PPP2R2D: variants seen among roughly 807,000 people sequenced by gnomAD.
PPP2R2D encodes the protein serine/threonine-protein phosphatase 2A 55 kDa regulatory subunit B delta isoform.
PPP2R2D carries 9 observed loss-of-function variants against 31.1 expected under a neutral mutation model. That is an observed-to-expected ratio of 0.29 (90% CI 0.17 to 0.51). The LOEUF (loss-of-function observed/expected upper bound fraction) is 0.51, where lower values mean the gene tolerates loss of function less well. PPP2R2D is among the 20% of genes least tolerant of loss of function. PPP2R2D has a pLI of 0.98. For synonymous variants in PPP2R2D, 179 were observed against 172.6 expected, an observed-to-expected ratio of 1.04 and a Z score of -0.29; for missense variants, 391 against 465.6, an observed-to-expected ratio of 0.84 and a Z score of 1.48.
At chr10:131,903,567 T>C (rs918826844) in intron 2 of PPP2R2D, among the ~76,000 whole-genome samples, 1 of 152,162 alleles carries the variant, frequency 6.6e-6, no homozygotes, top group African/African-American at 2.4e-5. Flanking sequence ...TTAAGTTAAA[T>C]TTTGAGTAAA....
chr10:131,915,573 G>A (rs545564907), intron 2 of PPP2R2D, among the ~76,000 whole-genome samples: 5 of 152,288 alleles, frequency 3.3e-5, no homozygotes, highest in Non-Finnish European at 5.9e-5. Context: ...CTCACTGGAG[G>A]CACTGTCTGT....
At position 131,947,698 on chromosome 10, in the gene PPP2R2D, A is replaced by T. The variant is rs782471400; in HGVS notation, c.989A>T (p.Gln330Leu). 8.1e-6 allele frequency: 13 copies of T among 1,614,208 alleles called. No individual in the cohort carries two copies. In the East Asian group the frequency reaches 2.9e-4, roughly 36 times the overall value. The change falls in exon 8 of 9, where the codon CAG becomes CTG. Residue 330 changes from glutamine to leucine, a missense_variant. Gln to Leu is a moderately radical substitution (Grantham distance 113). This residue lies in a region of PPP2R2D where 163 missense variants were observed against 179.5 expected (regional missense o/e 0.91). Coordinates refer to ENST00000455566, the MANE Select transcript of PPP2R2D (RefSeq NM_018461.5). This position sits in a 1 kb window ranked among gnomAD's most constrained non-coding sequence, Gnocchi z 4.3. ...NMESRPVETH[Q>L]VHEYLRSKLC... ...GAGAGCAGGCCGGTGGAGACCCACC[A>T]GGTCCACGAGTACCTGCGCAGCAAG... is the stretch of plus-strand genomic sequence containing the variant.
At chr10:131,907,855 T>C (rs1055993221) in intron 2 of PPP2R2D, among the ~76,000 whole-genome samples, 2 of 152,162 alleles carry the variant, frequency 1.3e-5, no homozygotes, top group Non-Finnish European at 2.9e-5. Flanking sequence ...TTACAAGATA[T>C]GTGGTGGTAT....
At chr10:131,932,997 C>T (rs545230058) in intron 2 of PPP2R2D, among the ~76,000 whole-genome samples, 2 of 152,276 alleles carry the variant, frequency 1.3e-5, no homozygotes, top group South Asian at 2.1e-4. Flanking sequence ...ATTTTATACA[C>T]CCTCTGGGTA....
chr10:131,914,779 A>T (rs782367053), intron 2 of PPP2R2D, among the ~76,000 whole-genome samples: 1 of 152,172 alleles, frequency 6.6e-6, no homozygotes, highest in Admixed American at 6.5e-5. Flanking sequence ...CAGGGGTGAC[A>T]TCGGGGGTGC....
At chr10:131,937,943 C>A (rs2036372736) in intron 3 of PPP2R2D, among the ~76,000 whole-genome samples, 1 of 152,170 alleles carries the variant, frequency 6.6e-6, no homozygotes, top group South Asian at 2.1e-4. Flanking sequence ...CAGCTCCTGC[C>A]CGTGGAGGCT....
intron 2 of PPP2R2D, among the ~76,000 whole-genome samples, chr10:131,922,057 C>G (rs1180981598): frequency 2.6e-5 from 4 of 152,132 alleles, no homozygotes; most frequent in African/African-American, 9.7e-5. Context: ...AAAGAGTGGC[C>G]CTACCTCTCA....
chr10:131,915,600 C>G (rs148024810), intron 2 of PPP2R2D, among the ~76,000 whole-genome samples: 2 of 152,184 alleles, frequency 1.3e-5, no homozygotes, highest in Admixed American at 1.3e-4. Context: ...GGTTCATAGC[C>G]TGTCCCTGCT....
chr10:131,919,928 GTGTT>G (rs546575653), intron 2 of PPP2R2D, among the ~76,000 whole-genome samples: 98 of 150,172 alleles, frequency 6.5e-4, no homozygotes, highest in African/African-American at 1.8e-3. Flanking sequence ...GAATGACACA[GTGTT>G]TGTAGGGACC....
At chr10:131,968,653 G>A in the PPP2R2D span, 1 of 1,249,894 alleles carries the variant, frequency 8.0e-7, no homozygotes, top group Non-Finnish European at 1.2e-6. Context: ...AGCTCACTGT[G>A]GTTAGAGCTT....
intron 7 of PPP2R2D, among the ~76,000 whole-genome samples, chr10:131,946,307 C>T (rs1554897977): frequency 6.6e-6 from 1 of 152,208 alleles, no homozygotes; most frequent in African/African-American, 2.4e-5. Context: ...CTGTAGTCAG[C>T]GTGTCCCAGT....
At chr10:131,906,621 T>A (rs1218479297) in intron 2 of PPP2R2D, among the ~76,000 whole-genome samples, 2 of 152,062 alleles carry the variant, frequency 1.3e-5, no homozygotes. Context: ...AGTTACTGTT[T>A]CATTGAATGT....
intron 2 of PPP2R2D, among the ~76,000 whole-genome samples, chr10:131,926,304 C>T (rs1030967824): frequency 4.3e-4 from 65 of 152,092 alleles, no homozygotes; most frequent in African/African-American, 1.5e-3. Flanking sequence ...GACTTTTTGC[C>T]TTTGGGTGAG....
intron 8 of PPP2R2D, among the ~76,000 whole-genome samples, chr10:131,949,414 C>T (rs772016261): frequency 3.8e-4 from 58 of 152,188 alleles, no homozygotes; most frequent in Non-Finnish European, 6.6e-4. Flanking sequence ...CGTGAGAACA[C>T]GCATGCTGGG....
intron 3 of PPP2R2D, among the ~76,000 whole-genome samples, 172 bp downstream of exon 3, chr10:131,934,727 T>G (rs1554896208): frequency 6.6e-6 from 1 of 152,206 alleles, no homozygotes. Flanking sequence ...TGGCCTCAGC[T>G]GCTGAGCCCC....
At chr10:131,961,261 G>T (rs1433213480), downstream of PPP2R2D, among the ~76,000 whole-genome samples, 1 of 152,220 alleles carries the variant, frequency 6.6e-6, no homozygotes, top group Non-Finnish European at 1.5e-5. Context: ...CCAAAGCCAA[G>T]TTCAGCAGTC....
At chr10:131,906,758 CAA>C (rs879099384) in intron 2 of PPP2R2D, among the ~76,000 whole-genome samples, 19 of 101,702 alleles carry the variant, frequency 1.9e-4, no homozygotes, top group Non-Finnish European at 2.1e-4. Context: ...TTGTCTCTAC[CAA>C]AAAAAAAAAA....
chr10:131,905,421 A>T (rs1444735583), intron 2 of PPP2R2D, among the ~76,000 whole-genome samples: 1 of 152,130 alleles, frequency 6.6e-6, no homozygotes, highest in Admixed American at 6.5e-5. Context: ...AACGTACTTC[A>T]TTCAGCATGT....
chr10:131,957,278 G>T lies in PPP2R2D; in HGVS notation c.*1315G>T, dbSNP rs10870292. The T allele has an allele frequency of 4.0e-5, 6 of 150,804 alleles. No homozygotes were observed. Among genetic ancestry groups the T allele is most frequent in the Non-Finnish European group, 7.2e-5 (5 of 69,550 alleles). The allele number at this position is 150,804 out of a possible 1,614,324, so 9.3% of individuals were successfully genotyped here. On this transcript the variant is annotated 3_prime_UTR_variant, in exon 9 of 9. Coordinates refer to ENST00000455566, the MANE Select transcript of PPP2R2D (RefSeq NM_018461.5). ...GTGGAGATGGAGGTGTGTGCTGATC[G>T]CCCGTCACCCTGTCTAGATGAAGGT... is the stretch of plus-strand genomic sequence containing the variant.
Sources: gnomAD v4.1 joint callset for allele counts (sites outside exome capture counted in the v4.1 genomes callset) on GRCh38, gnomAD v4.1.1 for gene constraint, gnomAD v4.1.1 regional missense constraint, Gnocchi (gnomAD v3.1) non-coding constraint, MANE v1.5 for transcripts, NCBI Gene and HGNC (gene_info 2026-07-23, HGNC 2026-07-21) for gene names.